The following LYRM4 variants were observed in gnomAD, a reference collection of about 807,000 sequenced individuals.
LYRM4 encodes LYR motif containing 4.
Under a neutral mutation model 11.7 loss-of-function variants are expected in LYRM4, and 9 were observed. That is an observed-to-expected ratio of 0.77 (90% confidence interval 0.46 to 1.34). The LOEUF (loss-of-function observed/expected upper bound fraction) is 1.34, where lower values mean the gene tolerates loss of function less well. Ranked by LOEUF, LYRM4 falls within the 40% of genes most tolerant of loss-of-function variation. The pLI is 0.00. For synonymous variants in LYRM4, 42 were observed against 40.4 expected (o/e 1.04, Z -0.15); for missense variants, 133 against 112.5 (o/e 1.18, Z -0.82).
At chr6:5,177,876 T>C (rs991864778) in intron 2 of LYRM4, among the ~76,000 whole-genome samples, 2 of 152,200 alleles carry the variant, frequency 1.3e-5, no homozygotes, top group Non-Finnish European at 2.9e-5. Flanking sequence ...ATACTAGGCC[T>C]CACGCGCTCC....
chr6:5,231,957 A>G (rs1163344204), intron 1 of LYRM4, among the ~76,000 whole-genome samples: 3 of 152,180 alleles, frequency 2.0e-5, no homozygotes. Context: ...TTTTTACTTT[A>G]AAGAACTTGA....
At chr6:5,160,548 A>G (rs886443179) in intron 2 of LYRM4, among the ~76,000 whole-genome samples, 1 of 152,104 alleles carries the variant, frequency 6.6e-6, no homozygotes. Flanking sequence ...ACTGAGCACC[A>G]CCAAGGCTGT....
chr6:5,239,413 C>T (rs1763736046), intron 1 of LYRM4, among the ~76,000 whole-genome samples: 1 of 151,848 alleles, frequency 6.6e-6, no homozygotes, highest in Admixed American at 6.6e-5. Flanking sequence ...CCAGAAAATG[C>T]CCAGGAGGCC....
At chr6:5,159,692 C>T (rs1477607106) in intron 2 of LYRM4, among the ~76,000 whole-genome samples, 2 of 152,194 alleles carry the variant, frequency 1.3e-5, no homozygotes, top group African/African-American at 4.8e-5. Flanking sequence ...CAAGACCTTT[C>T]CTTACAATTC....
the LYRM4 span, chr6:5,066,981 A>C: frequency 5.5e-6 from 5 of 913,780 alleles, no homozygotes; most frequent in Non-Finnish European, 7.7e-6. Flanking sequence ...TGGGATCCAC[A>C]TGTCTTTGTC....
chr6:5,220,176 T>TC (rs1762503951), intron 1 of LYRM4, among the ~76,000 whole-genome samples: 1 of 152,188 alleles, frequency 6.6e-6, no homozygotes, highest in African/African-American at 2.4e-5. Context: ...CACTCAAAAC[T>TC]CCAATTTCCC....
intron 2 of LYRM4, among the ~76,000 whole-genome samples, chr6:5,116,987 G>C (rs1291255297): frequency 6.6e-6 from 1 of 152,216 alleles, no homozygotes; most frequent in African/African-American, 2.4e-5. Flanking sequence ...AGGGGAGTGG[G>C]TGGGGAAGGT....
At chr6:5,105,373 T>A (rs962875702), downstream of LYRM4, 6 of 152,302 alleles carry the variant, frequency 3.9e-5, no homozygotes, top group African/African-American at 9.6e-5. Flanking sequence ...ATGCTGACTC[T>A]GCTTCTGTTC....
chr6:5,067,777 C>T, the LYRM4 span, among the ~76,000 whole-genome samples: 4 of 152,188 alleles, frequency 2.6e-5, no homozygotes, highest in South Asian at 2.1e-4. Context: ...TTAAGCGTTA[C>T]GATACACACA....
At chr6:5,155,948 T>C (rs1164411284) in intron 2 of LYRM4, among the ~76,000 whole-genome samples, 1 of 152,232 alleles carries the variant, frequency 6.6e-6, no homozygotes, top group Non-Finnish European at 1.5e-5. Context: ...TCTTGAGATA[T>C]GTTTGGAGGC....
intron 2 of LYRM4, among the ~76,000 whole-genome samples, chr6:5,173,659 C>G (rs552457428): frequency 2.6e-5 from 4 of 152,274 alleles, no homozygotes; most frequent in Non-Finnish European, 5.9e-5. Flanking sequence ...ATATTTTCAA[C>G]TTTTTTCATT....
intron 1 of LYRM4, among the ~76,000 whole-genome samples, chr6:5,260,168 G>C (rs1330905186): frequency 6.6e-6 from 1 of 152,102 alleles, no homozygotes; most frequent in Non-Finnish European, 1.5e-5. Context: ...GCAACCAAAA[G>C]AACTCATTAC....
At chr6:5,050,341 C>T in the LYRM4 span, among the ~76,000 whole-genome samples, 3 of 152,174 alleles carry the variant, frequency 2.0e-5, no homozygotes, top group Non-Finnish European at 4.4e-5. Context: ...GGTGTAAGGA[C>T]CCTATCCTCC....
intron 2 of LYRM4, among the ~76,000 whole-genome samples, chr6:5,214,655 T>G (rs140817458): frequency 5.6e-4 from 85 of 152,186 alleles, no homozygotes; most frequent in Non-Finnish European, 9.1e-4. Context: ...GAATACAGAC[T>G]CTCCACCTTG....
intron 2 of LYRM4, among the ~76,000 whole-genome samples, chr6:5,179,481 G>C (rs1759946675): frequency 6.6e-6 from 1 of 151,978 alleles, no homozygotes; most frequent in African/African-American, 2.4e-5. Context: ...CTATCTCTAT[G>C]AATTTGACTT....
intron 2 of LYRM4, among the ~76,000 whole-genome samples, chr6:5,171,723 C>T (rs561657550): frequency 6.6e-6 from 1 of 152,278 alleles, no homozygotes; most frequent in African/African-American, 2.4e-5. Context: ...TGGCGAAAAC[C>T]CTCATGAAGC....
the LYRM4 span, among the ~76,000 whole-genome samples, chr6:5,064,540 A>G: frequency 6.6e-6 from 1 of 152,140 alleles, no homozygotes; most frequent in Non-Finnish European, 1.5e-5. Flanking sequence ...TTTGTATCAT[A>G]TATTTTTTAA....
chr6:5,123,165 C>G (rs1457348814), intron 2 of LYRM4, among the ~76,000 whole-genome samples: 1 of 152,222 alleles, frequency 6.6e-6, no homozygotes, highest in Non-Finnish European at 1.5e-5. Flanking sequence ...CAGGGCCTGA[C>G]AGGGCCTCAG....
the LYRM4 span, among the ~76,000 whole-genome samples, chr6:5,096,268 T>C: frequency 6.6e-6 from 1 of 152,144 alleles, no homozygotes; most frequent in Admixed American, 6.5e-5. Flanking sequence ...GGTGGGAGGA[T>C]TGCTTGAGGC....
Sources: allele counts gnomAD v4.1 joint callset (sites outside exome capture counted in the v4.1 genomes callset), GRCh38; gene constraint gnomAD v4.1.1; transcripts MANE v1.5; gene names NCBI Gene and HGNC (gene_info 2026-07-23, HGNC 2026-07-21).